TRPC1: variants seen among roughly 807,000 people sequenced by gnomAD.
TRPC1 encodes the protein transient receptor potential cation channel subfamily C member 1, also known as short transient receptor potential channel 1.
A neutral mutation model predicts 88.2 loss-of-function variants in TRPC1; 42 were observed. The observed-to-expected ratio is 0.48, with a 90% CI of 0.37 to 0.62. TRPC1 has a LOEUF of 0.62. TRPC1 is among the 20% of genes least tolerant of loss of function. The pLI, the probability that TRPC1 is intolerant of heterozygous loss-of-function variation, is 0.00. For synonymous variants in TRPC1, 288 were observed against 331.8 expected (o/e 0.87, Z 1.43); for missense variants, 699 against 957.3 (o/e 0.73, Z 3.56).
rs1292781980 is a variant in TRPC1, at chr3:142,724,661, G to A, written c.102G>A (p.Leu34=). 1 of 1,612,906 alleles carries A rather than the reference G, an allele frequency of 6.2e-7. No homozygotes were observed. The highest frequency in any genetic ancestry group is 8.5e-7 in the Non-Finnish European group (1 of 1,179,382). ...CCTCGCCGAACGAGGTGATGGCGCT[G>A]AAGGATGTGCGGGAGGTGAAGGAGG... ...SSSSPNEVMA[L]KDVREVKEEN... The change falls in exon 1 of 13, where the codon CTG becomes CTA. Residue 34 remains leucine (L), a synonymous_variant. Transcript: ENST00000476941. The surrounding 1 kb of genome is among the most constrained non-coding windows in gnomAD (Gnocchi z 5.6).
chr3:142,760,946 C>T (rs1577971444), intron 4 of TRPC1, among the ~76,000 whole-genome samples: 3 of 151,978 alleles, frequency 2.0e-5, no homozygotes, highest in African/African-American at 2.4e-5. Context: ...TTGTATCCTG[C>T]AACTTTACTG....
At chr3:142,760,977 A>G (rs1935164097) in intron 4 of TRPC1, among the ~76,000 whole-genome samples, 1 of 151,814 alleles carries the variant, frequency 6.6e-6, no homozygotes, top group Non-Finnish European at 1.5e-5. Context: ...ACCACTTCTA[A>G]TAGTTTTTTG....
At chr3:142,753,969 C>T (rs1934868852) in intron 4 of TRPC1, among the ~76,000 whole-genome samples, 1 of 151,602 alleles carries the variant, frequency 6.6e-6, no homozygotes, top group African/African-American at 2.4e-5. Flanking sequence ...CCTGTGGTCC[C>T]AGCTATGCAG....
chr3:142,769,578 C>T (rs969235482), intron 4 of TRPC1, among the ~76,000 whole-genome samples: 4 of 152,020 alleles, frequency 2.6e-5, no homozygotes, highest in South Asian at 2.1e-4. Flanking sequence ...TTATATGTTG[C>T]GTCTTCATTT....
intron 4 of TRPC1, among the ~76,000 whole-genome samples, chr3:142,771,639 T>C (rs1935583370): frequency 6.6e-6 from 1 of 152,182 alleles, no homozygotes; most frequent in Non-Finnish European, 1.5e-5. Context: ...TCTCTAGGCA[T>C]TTCCTTAACT....
At chr3:142,775,478 G>A (rs1014184498) in intron 4 of TRPC1, among the ~76,000 whole-genome samples, 16 of 152,134 alleles carry the variant, frequency 1.1e-4, no homozygotes, top group Admixed American at 6.5e-5. Flanking sequence ...AATTAGCCAG[G>A]TGTGGTGGCA....
rs78983447 is a variant in TRPC1 at position 142,801,803 on chromosome 3, A to T, written c.1582-366A>T. 3.5e-3 allele frequency among the ~76,000 whole-genome samples: 536 copies of T among 152,282 alleles called. 1 individual carries two copies. Among genetic ancestry groups the T allele is most frequent in the Middle Eastern group, 6.8e-3 (2 of 294 alleles). On this transcript the variant is annotated intron_variant, in intron 9 of 12. Transcript: ENST00000476941. ...TTGTAAAATTTAAGAAGCCATGTAA[A>T]TATAAGCATTTATTTCTCTTTAAGT... is the stretch of plus-strand genomic sequence containing the variant.
At chr3:142,736,238 C>A in intron 1 of TRPC1, 141 bp from the exon 2 acceptor site, 1 of 532,900 alleles carries the variant, frequency 1.9e-6, no homozygotes, top group Non-Finnish European at 3.0e-6. Context: ...AGGAAATGTT[C>A]ACATTCTCTG....
intron 2 of TRPC1, among the ~76,000 whole-genome samples, chr3:142,743,272 A>G (rs1462902598): frequency 6.6e-6 from 1 of 150,952 alleles, no homozygotes; most frequent in Non-Finnish European, 1.5e-5. Context: ...TCATGCATTG[A>G]AACCAGGACA....
chr3:142,796,817 T>C (rs868839539), intron 9 of TRPC1, among the ~76,000 whole-genome samples: 1 of 152,030 alleles, frequency 6.6e-6, no homozygotes, highest in African/African-American at 2.4e-5. Context: ...ATTTAAAGTG[T>C]AGAGTGGAGT....
intron 4 of TRPC1, among the ~76,000 whole-genome samples, chr3:142,770,311 G>C (rs1396204103): frequency 9.9e-5 from 15 of 151,920 alleles, no homozygotes; most frequent in Admixed American, 9.8e-4. Context: ...TGGCCAGGCT[G>C]GTCTTGAACT....
intron 1 of TRPC1, among the ~76,000 whole-genome samples, chr3:142,731,926 A>G (rs915720731): frequency 1.3e-5 from 2 of 152,224 alleles, no homozygotes; most frequent in African/African-American, 4.8e-5. Flanking sequence ...TTCTTAGAAC[A>G]CATCCACTAT....
intron 2 of TRPC1, among the ~76,000 whole-genome samples, chr3:142,742,543 C>T (rs990369325): frequency 3.3e-5 from 5 of 152,106 alleles, no homozygotes; most frequent in Non-Finnish European, 5.9e-5. Flanking sequence ...ATAAACTTTA[C>T]TCTTTTCAGC....
intron 11 of TRPC1, 85 bp from the exon 12 acceptor site, chr3:142,804,351 A>G: frequency 7.7e-7 from 1 of 1,304,182 alleles, no homozygotes; most frequent in Admixed American, 2.6e-5. Context: ...GTTGAACAAA[A>G]TTTTTCTGCA....
chr3:142,791,512 A>G (rs1936295429), intron 8 of TRPC1, among the ~76,000 whole-genome samples: 1 of 152,144 alleles, frequency 6.6e-6, no homozygotes, highest in Non-Finnish European at 1.5e-5. Context: ...GTCCGAAACC[A>G]CACAATAGGA....
intron 11 of TRPC1, 21 bp downstream of exon 11, chr3:142,804,199 A>C: frequency 1.2e-6 from 2 of 1,612,190 alleles, no homozygotes; most frequent in Non-Finnish European, 1.7e-6. Flanking sequence ...TCTTTTAAAA[A>C]CTTTATATTC....
intron 4 of TRPC1, 53 bp from the exon 5 acceptor site, chr3:142,777,579 G>T: frequency 8.2e-7 from 1 of 1,215,782 alleles, no homozygotes; most frequent in Non-Finnish European, 1.1e-6. Flanking sequence ...ATTAAAATAC[G>T]AATTATATGT....
At chr3:142,800,516 A>C (rs950236155) in intron 9 of TRPC1, among the ~76,000 whole-genome samples, 17 of 152,166 alleles carry the variant, frequency 1.1e-4, no homozygotes, top group Non-Finnish European at 2.5e-4. Context: ...ATGCTGGCCG[A>C]CTTGGGCCAA....
At chr3:142,763,369 G>A (rs767734288) in intron 4 of TRPC1, among the ~76,000 whole-genome samples, 1 of 151,976 alleles carries the variant, frequency 6.6e-6, no homozygotes, top group Non-Finnish European at 1.5e-5. Flanking sequence ...GGGGGCTCCA[G>A]TGTTGGGTTC....
Sources: gnomAD v4.1 joint callset for allele counts (sites outside exome capture counted in the v4.1 genomes callset) on GRCh38, gnomAD v4.1.1 for gene constraint, Gnocchi (gnomAD v3.1) non-coding constraint, MANE v1.5 for transcripts, NCBI Gene and HGNC (gene_info 2026-07-23, HGNC 2026-07-21) for gene names.